The following MUSK variants were observed in gnomAD, a reference collection of about 807,000 sequenced individuals.
The protein encoded by MUSK is muscle, skeletal receptor tyrosine-protein kinase.
MUSK carries 55 observed loss-of-function variants against 88.7 expected under a neutral mutation model. The ratio of observed to expected loss-of-function variants is 0.62; its 90% CI spans 0.50 to 0.78. MUSK has a LOEUF of 0.78. MUSK is among the 30% of genes least tolerant of loss of function. The pLI is 0.00. For missense variants in MUSK, 1,015 were observed against 1,074.3 expected (o/e 0.94, Z 0.77); for synonymous variants, 387 against 391.9 (o/e 0.99, Z 0.15).
At chr9:110,755,981 T>TATAC (rs2077316657) in intron 7 of MUSK, among the ~76,000 whole-genome samples, 5 of 108,084 alleles carry the variant, frequency 4.6e-5, no homozygotes, top group African/African-American at 1.3e-4. Context: ...TATATATACA[T>TATAC]ATATATATAT....
chr9:110,709,078 G>A (rs147763025), intron 5 of MUSK, among the ~76,000 whole-genome samples: 2 of 152,238 alleles, frequency 1.3e-5, no homozygotes, highest in East Asian at 1.9e-4. Context: ...TTCCAGGTGC[G>A]ACATGAGACA....
rs371124725 is a variant in MUSK, at chr9:110,775,780, T to C, written c.1185-8T>C. 6.2e-7 allele frequency: 1 copy of C among 1,613,348 alleles called. No homozygotes were observed. The highest frequency in any genetic ancestry group is 1.3e-5 in the African/African-American group (1 of 74,892). On this transcript the variant is annotated splice_polypyrimidine_tract_variant and splice_region_variant and intron_variant, in intron 9 of 14. Coordinates refer to ENST00000374448, the MANE Select transcript of MUSK (RefSeq NM_005592.4). ...TCATCAAGTTTTGTTCTCCATATAC[T>C]ATTTTAGAGAGTACTGCTTGGCAGT...
At chr9:110,780,173 C>G (rs181276334) in intron 11 of MUSK, among the ~76,000 whole-genome samples, 1 of 152,090 alleles carries the variant, frequency 6.6e-6, no homozygotes, top group Non-Finnish European at 1.5e-5. Context: ...ATTTTCTATT[C>G]GCTTTACGTT....
intron 11 of MUSK, among the ~76,000 whole-genome samples, chr9:110,782,836 G>A (rs1427680043): frequency 2.0e-5 from 3 of 152,154 alleles, no homozygotes; most frequent in Non-Finnish European, 4.4e-5. Flanking sequence ...CTGTGGTGCC[G>A]GATGAGGCAT....
Position 110,776,036 on chromosome 9 carries a change from T to G in MUSK, c.1360+73T>G, listed in dbSNP as rs545004244. 1 of 1,470,050 alleles carries G rather than the reference T, an allele frequency of 6.8e-7. No homozygotes were observed. Among genetic ancestry groups the G allele is most frequent in the African/African-American group, 1.4e-5 (1 of 70,096 alleles). The allele number at this position is 1,470,050 out of a possible 1,614,324, so 91.1% of individuals were successfully genotyped here. On this transcript the variant is annotated intron_variant, in intron 10 of 14. Transcript: ENST00000374448. ...ATTTTGAAGAAACTAAGGTGTGAAC[T>G]TAAAGCTTCTAATATTTCTAGGCAT... is the stretch of plus-strand genomic sequence containing the variant.
intron 11 of MUSK, among the ~76,000 whole-genome samples, chr9:110,780,794 A>G (rs550031742): frequency 1.3e-5 from 2 of 152,174 alleles, no homozygotes; most frequent in East Asian, 3.9e-4. Flanking sequence ...TTTATCCGTG[A>G]TATCTGTATG....
intron 5 of MUSK, among the ~76,000 whole-genome samples, chr9:110,720,994 G>A (rs1036920376): frequency 4.6e-5 from 7 of 151,790 alleles, no homozygotes; most frequent in African/African-American, 1.2e-4. Context: ...CAAAAATCAC[G>A]ATCATCTCAG....
intron 8 of MUSK, among the ~76,000 whole-genome samples, chr9:110,766,051 T>C (rs928744414): frequency 6.6e-6 from 1 of 152,050 alleles, no homozygotes; most frequent in Admixed American, 6.6e-5. Flanking sequence ...AGGCAAGAGG[T>C]AGGATCCCTC....
At chr9:110,727,662 GTTC>G (rs1357010742) in intron 5 of MUSK, 4 of 191,690 alleles carry the variant, frequency 2.1e-5, no homozygotes, top group African/African-American at 9.3e-5. Context: ...TCCACTGCAT[GTTC>G]AGGTCCACAA....
At chr9:110,688,567 A>G (rs577059486) in intron 3 of MUSK, among the ~76,000 whole-genome samples, 8 of 151,996 alleles carry the variant, frequency 5.3e-5, no homozygotes, top group Non-Finnish European at 8.8e-5. Context: ...CCCATCACCT[A>G]GGTATTAAGC....
chr9:110,775,894 G>A lies in MUSK; in HGVS notation c.1291G>A (p.Val431Met), dbSNP rs372013406. The A allele has an allele frequency of 1.4e-5, 22 of 1,613,932 alleles. No homozygotes were observed. Among genetic ancestry groups the A allele is most frequent in the Admixed American group, 6.7e-5 (4 of 60,024 alleles). Residue 431 changes from valine (V) to methionine (M), a missense_variant, in exon 10 of 15, where the codon GTG becomes ATG. Physicochemically the swap from Val to Met is conservative, Grantham distance 21. Transcript: ENST00000374448. ...CAGATCCGAGATGCATTTGCTGTCC[G>A]TGCCAGAATGCAGCAAGCTTCCCAG... ...LYRSEMHLLS[V>M]PECSKLPSMH...
intron 6 of MUSK, among the ~76,000 whole-genome samples, chr9:110,737,325 A>G (rs1412036351): frequency 2.0e-5 from 3 of 150,410 alleles, no homozygotes; most frequent in Non-Finnish European, 4.4e-5. Flanking sequence ...TTTGATAATT[A>G]TTTTTAATAT....
intron 6 of MUSK, among the ~76,000 whole-genome samples, chr9:110,747,186 C>A (rs191992204): frequency 6.6e-6 from 1 of 152,146 alleles, no homozygotes; most frequent in Non-Finnish European, 1.5e-5. Context: ...TTCCTGTGAT[C>A]GGCAGATTGA....
chr9:110,702,520 T>A (rs1325253676), intron 5 of MUSK, among the ~76,000 whole-genome samples: 2 of 152,134 alleles, frequency 1.3e-5, no homozygotes, highest in Non-Finnish European at 1.5e-5. Flanking sequence ...TAGGAGTGAA[T>A]ATTCAACACT....
At chr9:110,689,683 CTATA>C (rs1491505659) in intron 3 of MUSK, among the ~76,000 whole-genome samples, 1 of 61,452 alleles carries the variant, frequency 1.6e-5, no homozygotes, top group South Asian at 4.5e-4. Context: ...TTATATATAA[CTATA>C]TATAGTTATA....
At chr9:110,749,983 G>C (rs996298598) in intron 7 of MUSK, among the ~76,000 whole-genome samples, 1 of 152,000 alleles carries the variant, frequency 6.6e-6, no homozygotes, top group Non-Finnish European at 1.5e-5. Context: ...TTTGACATTT[G>C]ATCAAGACCT....
intron 1 of MUSK, 37 bp from the exon 2 acceptor site, chr9:110,682,637 C>A: frequency 6.2e-7 from 1 of 1,603,236 alleles, no homozygotes; most frequent in South Asian, 1.1e-5. Flanking sequence ...AAACAAAATT[C>A]TAGAATGTTC....
intron 3 of MUSK, among the ~76,000 whole-genome samples, chr9:110,691,978 TTTC>T (rs1259282293): frequency 3.3e-5 from 5 of 152,160 alleles, no homozygotes; most frequent in African/African-American, 1.2e-4. Flanking sequence ...GAGAAGTCTT[TTTC>T]TTATTTCTTT....
At chr9:110,727,948 G>T (rs548277489) in intron 5 of MUSK, among the ~76,000 whole-genome samples, 1 of 152,078 alleles carries the variant, frequency 6.6e-6, no homozygotes. Context: ...TGGGGACTAC[G>T]TCTGACATGG....
Sources: gnomAD v4.1 joint callset for allele counts (sites outside exome capture counted in the v4.1 genomes callset) on GRCh38, gnomAD v4.1.1 for gene constraint, MANE v1.5 for transcripts, NCBI Gene and HGNC (gene_info 2026-07-23, HGNC 2026-07-21) for gene names.